The following DLG2 variants were observed in gnomAD, a reference collection of about 807,000 sequenced individuals.
DLG2 encodes the protein discs large MAGUK scaffold protein 2.
A neutral mutation model predicts 132.5 loss-of-function variants in DLG2; 45 were observed. That is an observed-to-expected ratio of 0.34 (90% CI 0.27 to 0.44). The LOEUF is 0.44. Among genes scored for constraint, DLG2 ranks in the 20% least tolerant of loss-of-function variants. The pLI is 1.00. For synonymous variants in DLG2, 424 were observed against 419.6 expected, an observed-to-expected ratio of 1.01 and a Z score of -0.13; for missense variants, 1,045 against 1,196.9, an observed-to-expected ratio of 0.87 and a Z score of 1.87.
rs776412668 is a variant in DLG2, at chr11:84,224,030, G to A, written c.573+27208C>T. On this transcript the variant is annotated intron_variant, in intron 8 of 27. Transcript: ENST00000376104. ...GCCTCCAGGTTTATGGCAGAAAGACGTAGAGGGTGGAGGACAGAGTGCTTC... is the reference window on the plus strand; with the variant it reads ...GCCTCCAGGTTTATGGCAGAAAGACATAGAGGGTGGAGGACAGAGTGCTTC... Among the ~76,000 whole-genome samples the A allele has an allele frequency of 5.5e-4, 84 of 152,284 alleles. 1 individual carries two copies. The highest frequency in any genetic ancestry group is 3.9e-4 in the Admixed American group (6 of 15,292).
intron 3 of DLG2, among the ~76,000 whole-genome samples, chr11:85,475,880 C>T (rs529698789): frequency 1.3e-5 from 2 of 152,074 alleles, no homozygotes; most frequent in African/African-American, 2.4e-5. Flanking sequence ...AACATATGTT[C>T]TTTCTCAAGT....
chr11:84,869,679 A>G (rs769496448), intron 6 of DLG2, among the ~76,000 whole-genome samples: 6 of 152,200 alleles, frequency 3.9e-5, no homozygotes, highest in Admixed American at 3.9e-4. Context: ...ATCATTTTGT[A>G]TAACGATTTT....
intron 6 of DLG2, among the ~76,000 whole-genome samples, chr11:84,843,146 C>A (rs889985149): frequency 6.6e-6 from 1 of 151,824 alleles, no homozygotes; most frequent in African/African-American, 2.4e-5. Context: ...GATAGCAGTG[C>A]AAAACTTTTG....
intron 6 of DLG2, among the ~76,000 whole-genome samples, chr11:84,681,510 T>C (rs1344460815): frequency 6.6e-6 from 1 of 152,156 alleles, no homozygotes; most frequent in Non-Finnish European, 1.5e-5. Flanking sequence ...TATTTGAACA[T>C]GCAGCTTTAT....
intron 6 of DLG2, among the ~76,000 whole-genome samples, chr11:84,910,603 CAAAT>C (rs1409633524): frequency 6.6e-6 from 1 of 152,106 alleles, no homozygotes; most frequent in Admixed American, 6.6e-5. Context: ...TTACTTTTAA[CAAAT>C]GAACTGGAAA....
At chr11:84,726,328 T>C (rs866887909) in intron 6 of DLG2, among the ~76,000 whole-genome samples, 13 of 152,266 alleles carry the variant, frequency 8.5e-5, no homozygotes, top group African/African-American at 1.7e-4. Context: ...CGTGTTCTCA[T>C]TGTTCAACTC....
At chr11:84,581,815 G>A (rs2099516994) in intron 6 of DLG2, among the ~76,000 whole-genome samples, 1 of 150,790 alleles carries the variant, frequency 6.6e-6, no homozygotes, top group African/African-American at 2.4e-5. Context: ...GCTGAAGCAG[G>A]AGAATCGCTT....
At chr11:84,780,996 A>AT (rs2071652863) in intron 6 of DLG2, among the ~76,000 whole-genome samples, 1 of 96,668 alleles carries the variant, frequency 1.0e-5, no homozygotes, top group Non-Finnish European at 2.2e-5. Context: ...CCAGGATTGT[A>AT]CAAAAAAAAA....
chr11:83,536,176 G>A (rs925499238), intron 20 of DLG2, among the ~76,000 whole-genome samples: 6 of 152,114 alleles, frequency 3.9e-5, no homozygotes, highest in Admixed American at 1.3e-4. Flanking sequence ...TGTCCTGAAT[G>A]CTATGAATAT....
chr11:84,258,555 CATT>C (rs1380957413), intron 7 of DLG2, among the ~76,000 whole-genome samples: 1 of 151,776 alleles, frequency 6.6e-6, no homozygotes, highest in African/African-American at 2.4e-5. Context: ...CTAAGGAAAA[CATT>C]ATTGTTCCCA....
At chr11:85,462,331 G>A (rs992253192) in intron 3 of DLG2, among the ~76,000 whole-genome samples, 4 of 152,160 alleles carry the variant, frequency 2.6e-5, no homozygotes, top group African/African-American at 9.7e-5. Context: ...AAATCATGCT[G>A]CTATGAAGAC....
intron 6 of DLG2, among the ~76,000 whole-genome samples, chr11:84,781,467 A>C (rs931660892): frequency 3.9e-5 from 6 of 151,960 alleles, no homozygotes; most frequent in African/African-American, 1.4e-4. Flanking sequence ...TTCTGTTTCA[A>C]GCTTTGTGGT....
At chr11:85,115,002 T>G (rs2073362093) in intron 5 of DLG2, among the ~76,000 whole-genome samples, 1 of 151,976 alleles carries the variant, frequency 6.6e-6, no homozygotes, top group African/African-American at 2.4e-5. Context: ...AAATAGCATG[T>G]TCTTTTGAAA....
At chr11:85,068,144 A>G (rs2065214672) in intron 6 of DLG2, among the ~76,000 whole-genome samples, 1 of 152,120 alleles carries the variant, frequency 6.6e-6, no homozygotes, top group African/African-American at 2.4e-5. Flanking sequence ...TATTGATGAG[A>G]TGTATCTCAA....
chr11:84,187,573 T>A, intron 8 of DLG2, among the ~76,000 whole-genome samples: 1 of 152,094 alleles, frequency 6.6e-6, no homozygotes, highest in Non-Finnish European at 1.5e-5. Flanking sequence ...AAAATTCATT[T>A]TACACACAAG....
chr11:84,186,759 A>T (rs1339455420), intron 8 of DLG2, among the ~76,000 whole-genome samples: 1 of 152,076 alleles, frequency 6.6e-6, no homozygotes, highest in African/African-American at 2.4e-5. Flanking sequence ...GTATATTTAT[A>T]TAATCAATTT....
intron 18 of DLG2, among the ~76,000 whole-genome samples, chr11:83,722,793 A>G (rs1157247301): frequency 6.6e-6 from 1 of 152,212 alleles, no homozygotes; most frequent in Non-Finnish European, 1.5e-5. Context: ...CCCCAGAGCC[A>G]CAGAAATGCA....
chr11:84,398,249 G>A (rs570229013), intron 7 of DLG2, among the ~76,000 whole-genome samples: 6 of 152,330 alleles, frequency 3.9e-5, no homozygotes, highest in Non-Finnish European at 5.9e-5. Context: ...CAAGTGTTAT[G>A]TCTGAAAGCT....
chr11:85,485,620 G>GA (rs2093412686), intron 3 of DLG2, among the ~76,000 whole-genome samples: 2 of 152,208 alleles, frequency 1.3e-5, no homozygotes, highest in Non-Finnish European at 2.9e-5. Context: ...CTGGGAGCCA[G>GA]AAAAAGCTCC....
Sources: allele counts gnomAD v4.1 joint callset (sites outside exome capture counted in the v4.1 genomes callset), GRCh38; gene constraint gnomAD v4.1.1; transcripts MANE v1.5; gene names NCBI Gene and HGNC (gene_info 2026-07-23, HGNC 2026-07-21).